Variants in LHPP observed in about 807,000 individuals in gnomAD.
LHPP encodes the protein phospholysine phosphohistidine inorganic pyrophosphate phosphatase, also known as hLHPP.
LHPP carries 24 observed loss-of-function variants against 30.3 expected under a neutral mutation model. The observed-to-expected ratio is 0.79, with a 90% CI of 0.57 to 1.11. The LOEUF (loss-of-function observed/expected upper bound fraction) is 1.11, where lower values mean the gene tolerates loss of function less well. Ranked by LOEUF, LHPP falls within the 50% of genes most tolerant of loss-of-function variation. The probability of loss-of-function intolerance (pLI) is 0.00; values close to 1 mark genes in which losing one functional copy is unlikely to be tolerated. For synonymous variants in LHPP, 150 were observed against 157.1 expected (o/e 0.95, Z 0.34); for missense variants, 356 against 367.2 (o/e 0.97, Z 0.25).
intron 6 of LHPP, among the ~76,000 whole-genome samples, chr10:124,520,835 AG>A (rs1954593571): frequency 6.6e-6 from 1 of 152,254 alleles, no homozygotes. Context: ...TGAGACGTGC[AG>A]GAAGTGTAAA....
intron 1 of LHPP, 143 bp from the exon 2 acceptor site, chr10:124,483,996 A>G: frequency 1.4e-6 from 1 of 699,170 alleles, no homozygotes; most frequent in Non-Finnish European, 2.4e-6. Context: ...ATCCTGGATC[A>G]GCCAGGACCC....
At chr10:124,606,044 G>A (rs1270346751) in intron 6 of LHPP, among the ~76,000 whole-genome samples, 3 of 152,186 alleles carry the variant, frequency 2.0e-5, no homozygotes, top group African/African-American at 7.2e-5. Flanking sequence ...GCAAGGATGG[G>A]GGAGGTACCT....
intron 6 of LHPP, among the ~76,000 whole-genome samples, chr10:124,604,570 C>T (rs562373556): frequency 4.6e-5 from 7 of 152,296 alleles, no homozygotes; most frequent in African/African-American, 1.7e-4. Context: ...GGTGAACACC[C>T]TTCTAGAAAT....
Position 124,613,757 on chromosome 10 carries a change from C to A in LHPP, c.*397C>A, listed in dbSNP as rs1432643365. On this transcript the variant is annotated 3_prime_UTR_variant, in exon 7 of 7. Transcript: ENST00000368842. Reference sequence around the variant, plus strand: ...CTCCACCTAACCAGATTCAGGGGCACTATGCCCACTGCCTCCTCTTCAGAC... The same window carrying A: ...CTCCACCTAACCAGATTCAGGGGCAATATGCCCACTGCCTCCTCTTCAGAC... 1 of 252,694 alleles carries A rather than the reference C, an allele frequency of 4.0e-6. No individual in the cohort carries two copies. The allele number at this position is 252,694 out of a possible 1,614,324, so 15.7% of individuals were successfully genotyped here.
At chr10:124,603,045 G>C (rs1173096413) in intron 6 of LHPP, among the ~76,000 whole-genome samples, 1 of 99,416 alleles carries the variant, frequency 1.0e-5, no homozygotes, top group African/African-American at 3.7e-5. Flanking sequence ...CCCTGGGAGG[G>C]GTACTGGGGC....
At chr10:124,584,791 C>T (rs1006935810) in intron 6 of LHPP, among the ~76,000 whole-genome samples, 1 of 152,082 alleles carries the variant, frequency 6.6e-6, no homozygotes. Context: ...TCTTTAATTT[C>T]TTTTAACAAG....
rs1266392507 is a variant in LHPP at position 124,478,718 on chromosome 10, C to T, written c.126-5421C>T. Among the ~76,000 whole-genome samples the T allele has an allele frequency of 6.6e-6, 1 of 152,174 alleles. No homozygotes were observed. The highest frequency in any genetic ancestry group is 1.5e-5 in the Non-Finnish European group (1 of 68,038). ...CGGGCGATGTTGTCACTCAGAGGCT[C>T]GTCCTGGCCTGCTGAGATGAGGTAA... is the stretch of plus-strand genomic sequence containing the variant. On this transcript the variant is annotated intron_variant, in intron 1 of 6. Transcript: ENST00000368842. The surrounding 1 kb of genome is among the most constrained non-coding windows in gnomAD (Gnocchi z 4.7).
chr10:124,577,327 C>A (rs372797761), intron 6 of LHPP, among the ~76,000 whole-genome samples: 1 of 152,216 alleles, frequency 6.6e-6, no homozygotes. Context: ...CACCTCCCAC[C>A]CCTGGCCCAC....
chr10:124,590,633 C>T lies in LHPP; in HGVS notation c.717-22631C>T, dbSNP rs2134001039. Among the ~76,000 whole-genome samples the T allele has an allele frequency of 6.6e-6, 1 of 152,336 alleles. No homozygotes were observed. Among genetic ancestry groups the T allele is most frequent in the East Asian group, 1.9e-4 (1 of 5,182 alleles). On this transcript the variant is annotated intron_variant, in intron 6 of 6. Coordinates refer to ENST00000368842, the MANE Select transcript of LHPP (RefSeq NM_022126.4). The surrounding 1 kb of genome is among the most constrained non-coding windows in gnomAD (Gnocchi z 4.3). ...TCCTGTCTGCCCAGGACTCTCCCCA[C>T]CCGCACAGTGTACCTGTCCCACAGT...
At chr10:124,549,140 G>C (rs1329118566) in intron 6 of LHPP, among the ~76,000 whole-genome samples, 2 of 152,156 alleles carry the variant, frequency 1.3e-5, no homozygotes, top group Non-Finnish European at 2.9e-5. Context: ...GGACATAAAG[G>C]TTTGATGAAT....
Position 124,478,694 on chromosome 10 carries a change from G to A in LHPP, c.126-5445G>A, listed in dbSNP as rs144800613. ...TCATCTGATGCACGGTAATTGCCCC[G>A]GGCGATGTTGTCACTCAGAGGCTCG... is the stretch of plus-strand genomic sequence containing the variant. On this transcript the variant is annotated intron_variant, in intron 1 of 6. Transcript: ENST00000368842. This position sits in a 1 kb window ranked among gnomAD's most constrained non-coding sequence, Gnocchi z 4.7. Among the ~76,000 whole-genome samples, 35 of 152,308 alleles carry A rather than the reference G, an allele frequency of 2.3e-4. No homozygotes were observed. Among genetic ancestry groups the A allele is most frequent in the Admixed American group, 1.6e-3 (24 of 15,304 alleles).
At chr10:124,573,406 A>G (rs1376610251) in intron 6 of LHPP, among the ~76,000 whole-genome samples, 2 of 152,130 alleles carry the variant, frequency 1.3e-5, no homozygotes. Context: ...TATAGTCTCC[A>G]CCTCAAGTGA....
chr10:124,493,230 G>A (rs1167891671), intron 3 of LHPP, among the ~76,000 whole-genome samples: 1 of 152,170 alleles, frequency 6.6e-6, no homozygotes, highest in Non-Finnish European at 1.5e-5. Flanking sequence ...CTGCTGATGG[G>A]GGTTCTGGGT....
At chr10:124,487,686 C>T (rs182645676) in intron 2 of LHPP, among the ~76,000 whole-genome samples, 19 of 152,192 alleles carry the variant, frequency 1.2e-4, no homozygotes, top group African/African-American at 4.1e-4. Context: ...TCAGGCGATC[C>T]GCCCACCTTG....
At chr10:124,574,121 G>A (rs1444359501) in intron 6 of LHPP, among the ~76,000 whole-genome samples, 1 of 152,166 alleles carries the variant, frequency 6.6e-6, no homozygotes, top group Non-Finnish European at 1.5e-5. Context: ...TAGACCACAT[G>A]TGTCATCTGC....
intron 6 of LHPP, among the ~76,000 whole-genome samples, chr10:124,591,594 G>A (rs185741932): frequency 3.3e-5 from 5 of 152,104 alleles, no homozygotes; most frequent in African/African-American, 4.8e-5. Context: ...CACTGTGTCC[G>A]TGTCTCTGTT....
intron 1 of LHPP, among the ~76,000 whole-genome samples, chr10:124,479,517 G>A (rs1298581197): frequency 9.2e-5 from 14 of 152,212 alleles, no homozygotes; most frequent in Non-Finnish European, 1.6e-4. Flanking sequence ...AACAGCAGAC[G>A]TTTATTTTTT....
intron 6 of LHPP, among the ~76,000 whole-genome samples, chr10:124,567,777 CACAA>C (rs1303422982): frequency 2.0e-5 from 3 of 152,270 alleles, no homozygotes; most frequent in Non-Finnish European, 4.4e-5. Flanking sequence ...GCATGCAACG[CACAA>C]ACACATGGAC....
intron 1 of LHPP, among the ~76,000 whole-genome samples, chr10:124,483,638 T>A (rs1026340560): frequency 1.3e-5 from 2 of 152,090 alleles, no homozygotes; most frequent in Non-Finnish European, 2.9e-5. Context: ...GCGCCTGTAA[T>A]CCCAGCTGCT....
Sources: allele counts gnomAD v4.1 joint callset (sites outside exome capture counted in the v4.1 genomes callset), GRCh38; gene constraint gnomAD v4.1.1; non-coding constraint Gnocchi (gnomAD v3.1); transcripts MANE v1.5; gene names NCBI Gene and HGNC (gene_info 2026-07-23, HGNC 2026-07-21).